The following LPIN2 variants were observed in gnomAD, a reference collection of about 807,000 sequenced individuals.
LPIN2 encodes the protein phosphatidate phosphatase LPIN2.
LPIN2 carries 55 observed loss-of-function variants against 111.4 expected under a neutral mutation model. The ratio of observed to expected loss-of-function variants is 0.49; its 90% CI spans 0.40 to 0.62. LPIN2 has a LOEUF of 0.62. LPIN2 is among the 20% of genes least tolerant of loss of function. LPIN2 has a pLI of 0.00. For missense variants in LPIN2, 992 were observed against 1,112.1 expected (o/e 0.89, Z 1.54); for synonymous variants, 425 against 414.0 (o/e 1.03, Z -0.32).
At chr18:2,942,070 G>T (rs966147970) in intron 4 of LPIN2, among the ~76,000 whole-genome samples, 1 of 152,112 alleles carries the variant, frequency 6.6e-6, no homozygotes, top group South Asian at 2.1e-4. Context: ...TAAACACAGG[G>T]ATAGAAAACC....
intron 1 of LPIN2, among the ~76,000 whole-genome samples, chr18:2,965,731 C>CAAAAA (rs35530040): frequency 1.9e-5 from 2 of 103,228 alleles, no homozygotes; most frequent in African/African-American, 3.9e-5. Flanking sequence ...CTCCCAATCT[C>CAAAAA]AAAAAAAAAA....
At chr18:2,924,623 T>A (rs911381348) in intron 14 of LPIN2, 77 bp from the exon 15 acceptor site, 4 of 1,470,908 alleles carry the variant, frequency 2.7e-6, no homozygotes, top group Non-Finnish European at 3.8e-6. Flanking sequence ...ACAGAACAAC[T>A]GGTGTCTCGG....
intron 1 of LPIN2, 70 bp from the exon 2 acceptor site, chr18:2,960,919 C>T (rs932430864): frequency 4.6e-5 from 61 of 1,318,686 alleles, no homozygotes; most frequent in Non-Finnish European, 6.1e-5. Flanking sequence ...AAATAACAGT[C>T]GTAACAAAAA....
intron 1 of LPIN2, among the ~76,000 whole-genome samples, chr18:2,971,403 TTGCTGTGAG>T (rs559118087): frequency 1.3e-3 from 201 of 152,224 alleles, no homozygotes; most frequent in Middle Eastern, 3.4e-3. Context: ...ATGGGATCTG[TTGCTGTGAG>T]TGCCCAAGGC....
intron 4 of LPIN2, chr18:2,950,212 T>C (rs2077513671): frequency 1.3e-5 from 2 of 152,358 alleles, no homozygotes; most frequent in Middle Eastern, 6.8e-3. Context: ...ACTCTTGATA[T>C]ATATTTGGTT....
In LPIN2 at chr18:2,978,505, C is replaced by T. The variant is rs117416735; in HGVS notation, c.-9-17656G>A. On this transcript the variant is annotated intron_variant, in intron 1 of 19. Transcript: ENST00000677752. ...GAGACAAATTCAACAAAATATCTGA[C>T]CAGTGCTCATCAAAACATCAAGGTC... Among the ~76,000 whole-genome samples, 4 of 152,226 alleles carry T rather than the reference C, an allele frequency of 2.6e-5. No individual in the cohort carries two copies. The East Asian group carries it at 7.7e-4, about 29-fold the overall frequency.
At chr18:2,923,420 CAAAAAAAAA>C (rs869052239) in intron 16 of LPIN2, among the ~76,000 whole-genome samples, 5 of 26,594 alleles carry the variant, frequency 1.9e-4, no homozygotes, top group South Asian at 4.0e-3. Context: ...AACTCCATCT[CAAAAAAAAA>C]AAAAAAAAAA....
intron 1 of LPIN2, among the ~76,000 whole-genome samples, chr18:3,003,251 C>G (rs1485517520): frequency 1.3e-5 from 2 of 152,212 alleles, no homozygotes; most frequent in African/African-American, 4.8e-5. Flanking sequence ...TAAAGCACCA[C>G]TAAAACTCCA....
At chr18:2,946,629 C>G (rs1026507843) in intron 4 of LPIN2, 1 of 701,206 alleles carries the variant, frequency 1.4e-6, no homozygotes, top group Non-Finnish European at 2.6e-6. Context: ...AGTCTCCATA[C>G]CTCAGTTTTT....
chr18:2,977,924 G>A (rs1187086505), intron 1 of LPIN2, among the ~76,000 whole-genome samples: 1 of 152,174 alleles, frequency 6.6e-6, no homozygotes, highest in African/African-American at 2.4e-5. Flanking sequence ...CGGGCTCGGT[G>A]GTTTACACCT....
intron 1 of LPIN2, among the ~76,000 whole-genome samples, chr18:3,004,200 C>G (rs982783722): frequency 5.3e-5 from 8 of 152,150 alleles, no homozygotes; most frequent in African/African-American, 1.7e-4. Flanking sequence ...ATCAGTAATT[C>G]TAATTTTGCC....
chr18:2,937,752 C>T lies in LPIN2; in HGVS notation c.1108G>A (p.Ala370Thr). The change falls in exon 7 of 20, where the codon GCG becomes ACG. Residue 370 changes from alanine (A) to threonine (T), a missense_variant. Physicochemically the swap from Ala to Thr is moderately conservative, Grantham distance 58. Transcript: ENST00000677752. ...GGTTTGGATTCTGAGGGCGCCTCCG[C>T]TAAGGCTGCGTTGGGAAGGTGGTCA... ...DADHLPNAAL[A>T]EAPSESKPAA... 1 of 1,614,102 alleles carries T rather than the reference C, an allele frequency of 6.2e-7. No individual in the cohort carries two copies. Among genetic ancestry groups the T allele is most frequent in the Non-Finnish European group, 8.5e-7 (1 of 1,180,008 alleles).
rs112795993 is a variant in LPIN2, at chr18:2,919,736, C to T, written c.*557G>A. The T allele has an allele frequency of 0.032, 5,688 of 177,944 alleles. 130 individuals are homozygous for T. The highest frequency in any genetic ancestry group is 0.047 in the Non-Finnish European group (3,869 of 82,638). 11.0% of individuals were successfully genotyped at this position (177,944 alleles called of 1,614,324 possible). A position where few individuals can be genotyped will look rare whatever the true frequency, so the allele number is the denominator to read the frequency against. On this transcript the variant is annotated 3_prime_UTR_variant, in exon 20 of 20. Coordinates refer to ENST00000677752, the MANE Select transcript of LPIN2 (RefSeq NM_001375808.2). The stretch of plus-strand genomic sequence containing the variant: ...CTCTGGTGCATGGGCCCTGCAGGGG[C>T]GGGGGTCCTGCCCAACTTGGCCCAC...
At position 2,920,171 on chromosome 18, in the gene LPIN2, C is replaced by A; in HGVS notation, c.*122G>T. On this transcript the variant is annotated 3_prime_UTR_variant, in exon 20 of 20. Coordinates refer to ENST00000677752, the MANE Select transcript of LPIN2 (RefSeq NM_001375808.2). ...GGAAGGCAAAGGAGGATGGCGGGACCAGCTCCAGAAGCACCCGTCCCCGCT... is the reference window on the plus strand; with the variant it reads ...GGAAGGCAAAGGAGGATGGCGGGACAAGCTCCAGAAGCACCCGTCCCCGCT... The A allele has an allele frequency of 7.3e-7, 1 of 1,370,318 alleles. No individual in the cohort carries two copies. Among genetic ancestry groups the A allele is most frequent in the Non-Finnish European group, 1.0e-6 (1 of 972,962 alleles). The allele number at this position is 1,370,318 out of a possible 1,614,324, so 84.9% of individuals were successfully genotyped here.
chr18:2,937,762 G>A lies in LPIN2; in HGVS notation c.1098C>T (p.Asn366=), dbSNP rs201050982. 35 of 1,614,014 alleles carry A rather than the reference G, an allele frequency of 2.2e-5. No homozygotes were observed. The highest frequency in any genetic ancestry group is 4.4e-5 in the South Asian group (4 of 91,086). The change falls in exon 7 of 20, where the codon AAC becomes AAT. Residue 366 remains asparagine, a synonymous_variant. Transcript: ENST00000677752. ...CTGAGGGCGCCTCCGCTAAGGCTGC[G>A]TTGGGAAGGTGGTCAGCATCTAACA... The part of the protein sequence containing the change: ...SSMLDADHLP[N]AALAEAPSES...
chr18:2,963,589 G>A (rs2077745355), intron 1 of LPIN2, among the ~76,000 whole-genome samples: 1 of 151,950 alleles, frequency 6.6e-6, no homozygotes, highest in African/African-American at 2.4e-5. Flanking sequence ...AGAGACCAAA[G>A]GAGAGCCATG....
chr18:2,942,668 C>T (rs887040152), intron 4 of LPIN2, among the ~76,000 whole-genome samples: 1 of 152,152 alleles, frequency 6.6e-6, no homozygotes, highest in Non-Finnish European at 1.5e-5. Flanking sequence ...AAAAATACAG[C>T]CCATTAGTCT....
intron 1 of LPIN2, among the ~76,000 whole-genome samples, chr18:3,001,738 G>T (rs1349091622): frequency 6.6e-6 from 1 of 151,928 alleles, no homozygotes; most frequent in Non-Finnish European, 1.5e-5. Context: ...GAGAACTGGG[G>T]TTTTTCATAA....
intron 1 of LPIN2, chr18:3,011,853 A>C (rs1185475572): frequency 1.3e-5 from 2 of 152,360 alleles, no homozygotes; most frequent in African/African-American, 4.8e-5. Flanking sequence ...AGGATGCTGC[A>C]GGAGGACCAG....
Sources: allele counts gnomAD v4.1 joint callset (sites outside exome capture counted in the v4.1 genomes callset), GRCh38; gene constraint gnomAD v4.1.1; transcripts MANE v1.5; gene names NCBI Gene and HGNC (gene_info 2026-07-23, HGNC 2026-07-21).